Variants in DNM3 observed in about 807,000 individuals in gnomAD.
DNM3 encodes the protein dynamin 3.
Under a neutral mutation model 101.6 loss-of-function variants are expected in DNM3, and 47 were observed. The observed-to-expected ratio is 0.46, with a 90% CI of 0.37 to 0.59. DNM3 has a LOEUF of 0.59. Among genes scored for constraint, DNM3 ranks in the 20% least tolerant of loss-of-function variants. The pLI is 0.00. For synonymous variants in DNM3, 385 were observed against 387.9 expected (o/e 0.99, Z 0.09); for missense variants, 849 against 1,085.7 (o/e 0.78, Z 3.06).
At chr1:172,210,023 C>T (rs1209692311) in intron 14 of DNM3, among the ~76,000 whole-genome samples, 1 of 151,948 alleles carries the variant, frequency 6.6e-6, no homozygotes, top group Non-Finnish European at 1.5e-5. Flanking sequence ...TGCCAAACAC[C>T]ATTCTAACCT....
chr1:171,903,532 G>A (rs1234852286), intron 1 of DNM3, among the ~76,000 whole-genome samples: 1 of 152,108 alleles, frequency 6.6e-6, no homozygotes. Context: ...CACTGGGGAA[G>A]GTAAGTATAC....
At chr1:172,182,230 CA>C (rs1385668746) in intron 14 of DNM3, among the ~76,000 whole-genome samples, 2 of 149,110 alleles carry the variant, frequency 1.3e-5, no homozygotes. Flanking sequence ...GGGAAACAAA[CA>C]AACAAAAAAA....
At chr1:171,997,547 T>C (rs1294618399) in intron 4 of DNM3, among the ~76,000 whole-genome samples, 1 of 152,178 alleles carries the variant, frequency 6.6e-6, no homozygotes, top group Non-Finnish European at 1.5e-5. Context: ...CCTCCAGCTA[T>C]TTTGTTTATT....
Position 171,989,083 on chromosome 1 carries a change from C to T in DNM3, c.524C>T (p.Thr175Ile). 1 of 1,613,170 alleles carries T rather than the reference C, an allele frequency of 6.2e-7. No individual in the cohort carries two copies. Among genetic ancestry groups the T allele is most frequent in the Non-Finnish European group, 8.5e-7 (1 of 1,179,488 alleles). The change falls in exon 4 of 21, where the codon ACT becomes ATT. Residue 175 changes from threonine (T) to isoleucine (I), a missense_variant. Thr to Ile is a moderately conservative substitution (Grantham distance 89). Transcript: ENST00000627582. ...GAGAACTGTCTGATTTTAGCTGTTACTCCAGCCAACACTGATCTTGCAAAC... is the reference window on the plus strand; with the variant it reads ...GAGAACTGTCTGATTTTAGCTGTTATTCCAGCCAACACTGATCTTGCAAAC... ...TRENCLILAV[T>I]PANTDLANSD...
At chr1:171,932,530 T>G (rs2041110235) in intron 2 of DNM3, among the ~76,000 whole-genome samples, 1 of 152,182 alleles carries the variant, frequency 6.6e-6, no homozygotes, top group African/African-American at 2.4e-5. Context: ...AGGCATCCTA[T>G]TAAAATTTTT....
chr1:172,408,409 G>A lies in DNM3; in HGVS notation c.*568G>A, dbSNP rs1406885840. ...TAAGAATAAACTTTTCCAGAAGCAC[G>A]AGGTAGTTTGCAAAGGAAAAGTCTG... is the stretch of plus-strand genomic sequence containing the variant. On this transcript the variant is annotated 3_prime_UTR_variant, in exon 21 of 21. Transcript: ENST00000627582. 2 of 985,770 alleles carry A rather than the reference G, an allele frequency of 2.0e-6. No individual in the cohort carries two copies. The highest frequency in any genetic ancestry group is 4.7e-5 in the South Asian group (1 of 21,298). The allele number at this position is 985,770 out of a possible 1,614,324, so 61.1% of individuals were successfully genotyped here. A position where few individuals can be genotyped will look rare whatever the true frequency, so the allele number is the denominator to read the frequency against.
At chr1:171,892,975 G>T (rs2037431057) in intron 1 of DNM3, among the ~76,000 whole-genome samples, 1 of 151,922 alleles carries the variant, frequency 6.6e-6, no homozygotes, top group Non-Finnish European at 1.5e-5. Context: ...TTCCTAACAG[G>T]CCATGGATAG....
intron 20 of DNM3, among the ~76,000 whole-genome samples, chr1:172,391,623 C>A (rs2149087494): frequency 6.6e-6 from 1 of 152,266 alleles, no homozygotes; most frequent in East Asian, 1.9e-4. Context: ...GCTTTGCCTC[C>A]ATTTTCTCTA....
rs539868274 is a variant in DNM3, at chr1:171,865,179, G to A, written c.161+23362G>A. The stretch of plus-strand genomic sequence containing the variant: ...TCATTCTTTTCTATAACTATTTATG[G>A]AATTATTAGACATTTAAAATAAAAC... On this transcript the variant is annotated intron_variant, in intron 1 of 20. Coordinates refer to ENST00000627582, the MANE Select transcript of DNM3 (RefSeq NM_015569.5). Among the ~76,000 whole-genome samples, 5 of 152,050 alleles carry A rather than the reference G, an allele frequency of 3.3e-5. No individual in the cohort carries two copies. The South Asian group carries it at 8.3e-4, about 25-fold the overall frequency.
At chr1:171,993,495 A>G (rs1341348423) in intron 4 of DNM3, among the ~76,000 whole-genome samples, 2 of 72,264 alleles carry the variant, frequency 2.8e-5, no homozygotes, top group African/African-American at 8.3e-5. Flanking sequence ...TGCTTTCAAG[A>G]TTCTTTTTTT....
At chr1:171,857,065 T>C (rs1273442519) in intron 1 of DNM3, among the ~76,000 whole-genome samples, 1 of 152,086 alleles carries the variant, frequency 6.6e-6, no homozygotes, top group African/African-American at 2.4e-5. Context: ...TGGTGGGAGA[T>C]AGAGCTGGCA....
At chr1:172,201,890 T>C (rs2060166904) in intron 14 of DNM3, among the ~76,000 whole-genome samples, 1 of 152,190 alleles carries the variant, frequency 6.6e-6, no homozygotes, top group East Asian at 1.9e-4. Flanking sequence ...ATAGGGCTGC[T>C]GTGGCATGCT....
intron 14 of DNM3, among the ~76,000 whole-genome samples, chr1:172,208,873 A>T (rs1248509955): frequency 6.6e-6 from 1 of 152,084 alleles, no homozygotes; most frequent in East Asian, 1.9e-4. Context: ...CTGTAGAAGT[A>T]TTCAGAAAGA....
At chr1:171,845,199 T>G (rs2031875623) in intron 1 of DNM3, among the ~76,000 whole-genome samples, 1 of 152,238 alleles carries the variant, frequency 6.6e-6, no homozygotes, top group Non-Finnish European at 1.5e-5. Flanking sequence ...GTTTACCATT[T>G]CCTCTGATAA....
chr1:172,194,949 C>G (rs893967938), intron 14 of DNM3, among the ~76,000 whole-genome samples: 3 of 152,048 alleles, frequency 2.0e-5, no homozygotes, highest in African/African-American at 7.2e-5. Flanking sequence ...GCAGTTTCTT[C>G]CTAGTATTGA....
chr1:171,966,847 T>C (rs937178422), intron 2 of DNM3, among the ~76,000 whole-genome samples: 2 of 152,204 alleles, frequency 1.3e-5, no homozygotes, highest in African/African-American at 2.4e-5. Flanking sequence ...CTCTATAACC[T>C]GGCTGAAATT....
chr1:172,308,900 TC>T (rs1440185727), intron 16 of DNM3, 61 bp downstream of exon 16: 1 of 975,016 alleles, frequency 1.0e-6, no homozygotes, highest in Admixed American at 2.4e-5. Context: ...AAAATATTAA[TC>T]CTACATACCA....
At chr1:172,332,044 A>G (rs2066211658) in intron 17 of DNM3, among the ~76,000 whole-genome samples, 1 of 152,170 alleles carries the variant, frequency 6.6e-6, no homozygotes, top group African/African-American at 2.4e-5. Context: ...AATCAAAAAA[A>G]AAGCTTATTG....
intron 1 of DNM3, among the ~76,000 whole-genome samples, chr1:171,886,184 G>A (rs1262612572): frequency 1.3e-5 from 2 of 152,156 alleles, no homozygotes; most frequent in African/African-American, 4.8e-5. Flanking sequence ...CATGGTAAAG[G>A]CGTGAGATTA....
Sources: allele counts gnomAD v4.1 joint callset (sites outside exome capture counted in the v4.1 genomes callset), GRCh38; gene constraint gnomAD v4.1.1; transcripts MANE v1.5; gene names NCBI Gene and HGNC (gene_info 2026-07-23, HGNC 2026-07-21).